Variants in SLC9B2 observed in about 807,000 individuals in gnomAD.
The protein encoded by SLC9B2 is solute carrier family 9 member B2.
In SLC9B2, 39 loss-of-function variants were observed where a neutral mutation model predicts 52.2. The ratio of observed to expected loss-of-function variants is 0.75; its 90% confidence interval spans 0.58 to 0.98. The LOEUF is 0.98. Among genes scored for constraint, SLC9B2 ranks in the 50% least tolerant of loss-of-function variants. SLC9B2 has a pLI of 0.00. For synonymous variants in SLC9B2, 214 were observed against 227.0 expected (o/e 0.94, Z 0.51); for missense variants, 626 against 637.5 (o/e 0.98, Z 0.19).
chr4:103,073,461 T>C (rs572231618), intron 1 of SLC9B2, among the ~76,000 whole-genome samples: 1 of 152,232 alleles, frequency 6.6e-6, no homozygotes, highest in African/African-American at 2.4e-5. Flanking sequence ...TACCCAGCAA[T>C]GAGGAATTCA....
At chr4:103,062,998 G>A (rs1277197355) in intron 3 of SLC9B2, among the ~76,000 whole-genome samples, 1 of 152,192 alleles carries the variant, frequency 6.6e-6, no homozygotes, top group African/African-American at 2.4e-5. Flanking sequence ...TGGAACAGAA[G>A]AACAGAAAAA....
At chr4:103,062,356 T>C (rs929774619) in intron 3 of SLC9B2, among the ~76,000 whole-genome samples, 2 of 151,536 alleles carry the variant, frequency 1.3e-5, no homozygotes, top group Non-Finnish European at 2.9e-5. Flanking sequence ...GAGGTGGAGC[T>C]TGCAGTGAGC....
intron 4 of SLC9B2, among the ~76,000 whole-genome samples, chr4:103,051,673 C>A (rs1744699360): frequency 1.3e-5 from 2 of 152,202 alleles, no homozygotes; most frequent in African/African-American, 4.8e-5. Context: ...CCAACTGCAA[C>A]CTTCCATCTT....
At chr4:103,050,407 C>A in intron 4 of SLC9B2, 25 bp from the exon 5 acceptor site, 1 of 1,543,246 alleles carries the variant, frequency 6.5e-7, no homozygotes, top group Non-Finnish European at 8.7e-7. Flanking sequence ...TCAAACATAT[C>A]TAGTTAGTTT....
downstream of SLC9B2, chr4:103,019,785 G>A (rs1477490547): frequency 2.0e-6 from 2 of 985,518 alleles, no homozygotes; most frequent in East Asian, 2.3e-4. Flanking sequence ...TGTCCGCGCC[G>A]GCAGAGGCGA....
chr4:103,046,507 T>G (rs1744134165), intron 7 of SLC9B2, among the ~76,000 whole-genome samples: 1 of 152,198 alleles, frequency 6.6e-6, no homozygotes, highest in Non-Finnish European at 1.5e-5. Context: ...TAAGTATTAA[T>G]GGGACATCCA....
intron 9 of SLC9B2, among the ~76,000 whole-genome samples, chr4:103,033,720 G>T (rs75915491): frequency 0.018 from 2,773 of 152,094 alleles, 104 homozygotes; most frequent in African/African-American, 0.064. Context: ...ATCGCCAAAA[G>T]AAGAACAAAA....
At chr4:103,040,079 T>A (rs567432051) in intron 9 of SLC9B2, among the ~76,000 whole-genome samples, 42 of 152,192 alleles carry the variant, frequency 2.8e-4, no homozygotes, top group Non-Finnish European at 5.9e-4. Flanking sequence ...CTTTCAAGAT[T>A]ATTGTTAAGA....
intron 11 of SLC9B2, 43 bp from the exon 12 acceptor site, chr4:103,026,634 G>A (rs1335766112): frequency 2.6e-6 from 4 of 1,537,470 alleles, no homozygotes; most frequent in Admixed American, 4.2e-5. Context: ...GATAAGATAA[G>A]CACATATAAA....
At chr4:103,049,693 A>T (rs1382989048) in intron 5 of SLC9B2, among the ~76,000 whole-genome samples, 2 of 152,124 alleles carry the variant, frequency 1.3e-5, no homozygotes, top group Admixed American at 6.5e-5. Context: ...GGCCCCATAG[A>T]CAGACTCTAC....
chr4:103,046,187 C>T (rs1327979314), intron 7 of SLC9B2, among the ~76,000 whole-genome samples: 2 of 152,124 alleles, frequency 1.3e-5, no homozygotes, highest in African/African-American at 4.8e-5. Context: ...AATGTATAAC[C>T]TGCCAAGAAG....
chr4:103,066,538 A>G (rs1319701185), intron 2 of SLC9B2, 31 bp from the exon 3 acceptor site: 1 of 1,586,980 alleles, frequency 6.3e-7, no homozygotes, highest in South Asian at 1.1e-5. Flanking sequence ...AAAATCCTTA[A>G]AACTGTATAT....
chr4:103,050,363 A>G lies in SLC9B2; in HGVS notation c.462T>C (p.Phe154=). ...TGATGACTGGGATATTTCTGATGAG[A>G]AACCCTGCAAGCAGCATGCCTTGAA... ...PSLLGMLLAG[F]LIRNIPVIND... The change falls in exon 5 of 12, where the codon TTT becomes TTC. Residue 154 remains phenylalanine, a synonymous_variant. Coordinates refer to ENST00000394785, the MANE Select transcript of SLC9B2 (RefSeq NM_178833.7). The G allele has an allele frequency of 3.1e-6, 5 of 1,599,768 alleles. No homozygotes were observed. The highest frequency in any genetic ancestry group is 3.4e-6 in the Non-Finnish European group (4 of 1,174,880).
At chr4:103,021,716 C>G (rs985892428), downstream of SLC9B2, among the ~76,000 whole-genome samples, 53 of 152,158 alleles carry the variant, frequency 3.5e-4, no homozygotes, top group African/African-American at 1.2e-3. Context: ...AAATATTTAG[C>G]CAATGATCTA....
At chr4:103,038,022 CG>C (rs1486534368) in intron 9 of SLC9B2, among the ~76,000 whole-genome samples, 1 of 151,834 alleles carries the variant, frequency 6.6e-6, no homozygotes, top group Non-Finnish European at 1.5e-5. Context: ...CCACCACACC[CG>C]GGGAAGTTTT....
rs920713872 is a variant in SLC9B2, at chr4:103,026,382, A to G, written c.1602T>C (p.Ser534=). The G allele has an allele frequency of 2.5e-6, 4 of 1,611,242 alleles. No individual in the cohort carries two copies. Among genetic ancestry groups the G allele is most frequent in the Non-Finnish European group, 1.7e-6 (2 of 1,178,354 alleles). The change falls in exon 12 of 12, where the codon TCT becomes TCC. Residue 534 remains serine, a synonymous_variant. Transcript: ENST00000394785. The part of the protein sequence containing the change: ...NKDEEVQGET[S]VQV ...TCTCTTTTCACCTCTAAACTTGCAC[A>G]GAAGTCTCTCCTTGAACTTCTTCAT... is the stretch of plus-strand genomic sequence containing the variant.
chr4:103,032,134 T>C (rs1742765060), intron 9 of SLC9B2, among the ~76,000 whole-genome samples: 1 of 152,130 alleles, frequency 6.6e-6, no homozygotes, highest in South Asian at 2.1e-4. Flanking sequence ...TTGTAATATA[T>C]AGTAGTGTTT....
downstream of SLC9B2, chr4:103,019,496 A>T (rs1741630462): frequency 1.3e-6 from 1 of 763,080 alleles, no homozygotes; most frequent in Non-Finnish European, 1.6e-6. Flanking sequence ...ACTGAGGGGG[A>T]GGAAAGGCCC....
intron 3 of SLC9B2, among the ~76,000 whole-genome samples, chr4:103,060,296 A>C (rs1745509455): frequency 6.7e-6 from 1 of 149,444 alleles, no homozygotes; most frequent in Non-Finnish European, 1.5e-5. Flanking sequence ...CATTTTTTTC[A>C]CTTAATCTGC....
Sources: gnomAD v4.1 joint callset for allele counts (sites outside exome capture counted in the v4.1 genomes callset) on GRCh38, gnomAD v4.1.1 for gene constraint, MANE v1.5 for transcripts, NCBI Gene and HGNC (gene_info 2026-07-23, HGNC 2026-07-21) for gene names.